MAPK8: variants seen among roughly 807,000 people sequenced by gnomAD.
MAPK8 encodes mitogen-activated protein kinase 8.
In MAPK8, 13 loss-of-function variants were observed where a neutral mutation model predicts 52.9. The ratio of observed to expected loss-of-function variants is 0.25; its 90% CI spans 0.16 to 0.39. MAPK8 has a LOEUF of 0.39. MAPK8 is among the 10% of genes least tolerant of loss of function. The pLI is 1.00. For synonymous variants in MAPK8, 191 were observed against 169.8 expected (o/e 1.12, Z -0.97); for missense variants, 300 against 519.2 (o/e 0.58, Z 4.10).
intron 1 of MAPK8, among the ~76,000 whole-genome samples, chr10:48,371,005 A>G (rs1457923619): frequency 6.6e-6 from 1 of 152,108 alleles, no homozygotes; most frequent in Non-Finnish European, 1.5e-5. Flanking sequence ...AACTCAAAAG[A>G]GGTTGAAAGG....
At chr10:48,395,388 A>C (rs1357293349) in intron 1 of MAPK8, among the ~76,000 whole-genome samples, 1 of 152,050 alleles carries the variant, frequency 6.6e-6, no homozygotes, top group Admixed American at 6.6e-5. Context: ...AAAACTGCTA[A>C]GGCAATTCAG....
intron 1 of MAPK8, among the ~76,000 whole-genome samples, chr10:48,310,459 C>A (rs1841868830): frequency 6.6e-6 from 1 of 152,128 alleles, no homozygotes; most frequent in African/African-American, 2.4e-5. Flanking sequence ...GAAGGCTTCA[C>A]CATAAGCTAG....
At chr10:48,376,825 T>A (rs972624429) in intron 1 of MAPK8, among the ~76,000 whole-genome samples, 4 of 152,200 alleles carry the variant, frequency 2.6e-5, no homozygotes, top group African/African-American at 9.6e-5. Context: ...CTCAAGGATC[T>A]AGAGCTAGAA....
intron 1 of MAPK8, among the ~76,000 whole-genome samples, chr10:48,365,470 G>A (rs184827601): frequency 1.8e-4 from 28 of 152,070 alleles, no homozygotes; most frequent in Admixed American, 1.4e-3. Flanking sequence ...AGAAATTTTC[G>A]TATGCATTGA....
At chr10:48,418,765 A>G (rs2043194872) in intron 5 of MAPK8, among the ~76,000 whole-genome samples, 1 of 152,208 alleles carries the variant, frequency 6.6e-6, no homozygotes, top group Non-Finnish European at 1.5e-5. Context: ...ATTTCAATTA[A>G]TAGTCTTTGA....
intron 1 of MAPK8, among the ~76,000 whole-genome samples, chr10:48,392,552 A>G (rs997790118): frequency 6.6e-6 from 1 of 152,010 alleles, no homozygotes; most frequent in Non-Finnish European, 1.5e-5. Flanking sequence ...TGACACACTA[A>G]TATCTCCATC....
chr10:48,327,331 A>C (rs929046748), intron 1 of MAPK8, among the ~76,000 whole-genome samples: 1 of 152,150 alleles, frequency 6.6e-6, no homozygotes, highest in South Asian at 2.1e-4. Flanking sequence ...GTCTGCATCC[A>C]TTGATATGAC....
chr10:48,370,012 C>T (rs976567773), intron 1 of MAPK8, among the ~76,000 whole-genome samples: 2 of 151,832 alleles, frequency 1.3e-5, no homozygotes, highest in Non-Finnish European at 2.9e-5. Flanking sequence ...ATTATGACAG[C>T]GAAGTAAGGT....
chr10:48,424,349 T>TA (rs2043543041), intron 7 of MAPK8, among the ~76,000 whole-genome samples, 190 bp downstream of exon 7: 1 of 152,196 alleles, frequency 6.6e-6, no homozygotes. Context: ...CAGTAGGACA[T>TA]ACAGTCTCTG....
At chr10:48,343,405 C>T (rs1207247676) in intron 1 of MAPK8, among the ~76,000 whole-genome samples, 6 of 152,144 alleles carry the variant, frequency 3.9e-5, no homozygotes, top group African/African-American at 1.4e-4. Flanking sequence ...ACATTTAGGG[C>T]CCACAAGATA....
At chr10:48,420,547 T>C (rs1456956100) in intron 6 of MAPK8, among the ~76,000 whole-genome samples, 2 of 152,170 alleles carry the variant, frequency 1.3e-5, no homozygotes, top group Non-Finnish European at 2.9e-5. Flanking sequence ...AGTACTACCA[T>C]TGGATGAAGA....
At chr10:48,427,925 G>T (rs1310774015) in intron 10 of MAPK8, among the ~76,000 whole-genome samples, 4 of 152,100 alleles carry the variant, frequency 2.6e-5, no homozygotes, top group African/African-American at 9.7e-5. Context: ...CATTTAAATT[G>T]TGTCCAGTCT....
At chr10:48,426,226 C>A in intron 8 of MAPK8, 154 bp from the exon 9 acceptor site, 2 of 830,166 alleles carry the variant, frequency 2.4e-6, no homozygotes, top group Non-Finnish European at 3.4e-6. Context: ...TTTTTTTTTT[C>A]TTTAATCTTA....
chr10:48,421,339 G>C lies in MAPK8; in HGVS notation c.616+1019G>C, dbSNP rs150871051. Among the ~76,000 whole-genome samples the C allele has an allele frequency of 6.6e-5, 10 of 152,228 alleles. No individual in the cohort carries two copies. In the East Asian group the frequency reaches 1.9e-3, roughly 29 times the overall value. On this transcript the variant is annotated intron_variant, in intron 6 of 11. Coordinates refer to ENST00000374189, the MANE Select transcript of MAPK8 (RefSeq NM_001323329.2). ...TTTACTTACACTCTACCTGAAATTT[G>C]AAGTTTTTTATTTTTTGGGAATTGA...
intron 1 of MAPK8, among the ~76,000 whole-genome samples, chr10:48,345,566 T>C (rs190182154): frequency 6.6e-6 from 1 of 152,348 alleles, no homozygotes; most frequent in East Asian, 1.9e-4. Flanking sequence ...CTAAGTGATA[T>C]GGTACACATT....
chr10:48,357,386 A>G (rs920672100), intron 1 of MAPK8, among the ~76,000 whole-genome samples: 3 of 152,158 alleles, frequency 2.0e-5, no homozygotes, highest in South Asian at 2.1e-4. Context: ...AACATACCAG[A>G]GAGTTCATCA....
In MAPK8 at chr10:48,435,468, ATCCT is replaced by A. The variant is rs2044780302; in HGVS notation, c.*442_*445del. On this transcript the variant is annotated 3_prime_UTR_variant, in exon 12 of 12. Coordinates refer to ENST00000374189, the MANE Select transcript of MAPK8 (RefSeq NM_001323329.2). ...TTTCAGATGTTTTGTTCATGATACT[ATCCT>A]TCAGGGTTATGTGCTTATCAATGAA... The A allele has an allele frequency of 3.9e-5, 6 of 153,112 alleles. No individual in the cohort carries two copies. Among genetic ancestry groups the A allele is most frequent in the Non-Finnish European group, 8.7e-5 (6 of 68,768 alleles). The allele number at this position is 153,112 out of a possible 1,614,324, so 9.5% of individuals were successfully genotyped here. A position where few individuals can be genotyped will look rare whatever the true frequency, so the allele number is the denominator to read the frequency against.
At chr10:48,342,013 C>G (rs1330564778) in intron 1 of MAPK8, among the ~76,000 whole-genome samples, 1 of 152,220 alleles carries the variant, frequency 6.6e-6, no homozygotes, top group Non-Finnish European at 1.5e-5. Context: ...CTGCAGAGAG[C>G]AATGTTTTGG....
intron 1 of MAPK8, among the ~76,000 whole-genome samples, chr10:48,359,719 A>G (rs1263383893): frequency 6.6e-6 from 1 of 152,196 alleles, no homozygotes; most frequent in Admixed American, 6.5e-5. Context: ...ACATGAAAAA[A>G]AATAAATTGG....
Sources: allele counts gnomAD v4.1 joint callset (sites outside exome capture counted in the v4.1 genomes callset), GRCh38; gene constraint gnomAD v4.1.1; transcripts MANE v1.5; gene names NCBI Gene and HGNC (gene_info 2026-07-23, HGNC 2026-07-21).